MAP3K20: variants seen among roughly 807,000 people sequenced by gnomAD.
MAP3K20 encodes the protein mitogen-activated protein kinase kinase kinase 20.
A neutral mutation model predicts 85.7 loss-of-function variants in MAP3K20; 40 were observed. That is an observed-to-expected ratio of 0.47 (90% confidence interval 0.36 to 0.61). MAP3K20 has a LOEUF of 0.61. Among genes scored for constraint, MAP3K20 ranks in the 20% least tolerant of loss-of-function variants. The pLI is 0.00. For missense variants in MAP3K20, 817 were observed against 961.7 expected (o/e 0.85, Z 1.99); for synonymous variants, 325 against 327.7 (o/e 0.99, Z 0.09).
At chr2:173,212,554 T>G (rs1237327280) in intron 10 of MAP3K20, 1 of 152,114 alleles carries the variant, frequency 6.6e-6, no homozygotes, top group Non-Finnish European at 1.5e-5. Flanking sequence ...ATCCCAACAC[T>G]TTGGGAGGCC....
chr2:173,228,213 C>T (rs1275012404), intron 11 of MAP3K20, among the ~76,000 whole-genome samples: 4 of 152,204 alleles, frequency 2.6e-5, no homozygotes, highest in Admixed American at 1.3e-4. Context: ...ATATCCATTT[C>T]AGCTAGTGGG....
In MAP3K20 at chr2:173,267,191, C is replaced by T. The variant is rs1305076419; in HGVS notation, c.*441C>T. 6.5e-6 allele frequency: 1 copy of T among 152,988 alleles called. No homozygotes were observed. The highest frequency in any genetic ancestry group is 2.4e-5 in the African/African-American group (1 of 41,472). The allele number at this position is 152,988 out of a possible 1,614,324, so 9.5% of individuals were successfully genotyped here. On this transcript the variant is annotated 3_prime_UTR_variant, in exon 20 of 20. Coordinates refer to ENST00000375213, the MANE Select transcript of MAP3K20 (RefSeq NM_016653.3). ...GGCAAGGCACTGTTACTGATCTTGT[C>T]TTTAACATTTTGATATTTTGTTCAT...
chr2:173,162,167 A>T (rs2076857), intron 2 of MAP3K20, among the ~76,000 whole-genome samples: 46,558 of 151,962 alleles, frequency 0.31, 8,907 homozygotes, highest in Non-Finnish European at 0.43. Context: ...TTCTATACAC[A>T]TAATTTTTAT....
chr2:173,129,206 G>A (rs75986399), intron 2 of MAP3K20, among the ~76,000 whole-genome samples: 3,152 of 152,108 alleles, frequency 0.021, 56 homozygotes, highest in South Asian at 0.047. Flanking sequence ...GTGAGCCACC[G>A]CGCCCAGCCA....
chr2:173,146,819 C>G (rs901133046), intron 2 of MAP3K20, among the ~76,000 whole-genome samples: 8 of 152,148 alleles, frequency 5.3e-5, no homozygotes, highest in African/African-American at 1.9e-4. Flanking sequence ...TACACTCCTC[C>G]CAGAAGGGTA....
chr2:173,195,664 C>T (rs922785525), intron 7 of MAP3K20, among the ~76,000 whole-genome samples: 1 of 151,936 alleles, frequency 6.6e-6, no homozygotes, highest in African/African-American at 2.4e-5. Flanking sequence ...AAGCTGATGT[C>T]CTATCTTATA....
intron 2 of MAP3K20, among the ~76,000 whole-genome samples, chr2:173,118,059 G>A (rs1688174583): frequency 6.6e-6 from 1 of 152,182 alleles, no homozygotes; most frequent in Non-Finnish European, 1.5e-5. Flanking sequence ...TTCTGGACCT[G>A]AAAGCATACT....
At chr2:173,258,553 T>A (rs1441130087) in intron 16 of MAP3K20, 146 bp from the exon 17 acceptor site, 3 of 586,428 alleles carry the variant, frequency 5.1e-6, no homozygotes, top group Non-Finnish European at 6.0e-6. Flanking sequence ...GGAATCTAAT[T>A]TCATGTCCTT....
At chr2:173,110,005 T>C (rs945382224) in intron 2 of MAP3K20, among the ~76,000 whole-genome samples, 1 of 151,524 alleles carries the variant, frequency 6.6e-6, no homozygotes, top group Admixed American at 6.6e-5. Context: ...GGCAACCTAG[T>C]TGGGGGATGG....
At chr2:173,151,550 C>A (rs1316544853) in intron 2 of MAP3K20, among the ~76,000 whole-genome samples, 1 of 152,166 alleles carries the variant, frequency 6.6e-6, no homozygotes, top group African/African-American at 2.4e-5. Context: ...TATGTTAGAA[C>A]ATTTACTGTA....
chr2:173,262,426 G>A (rs921618220), intron 18 of MAP3K20, among the ~76,000 whole-genome samples: 5 of 151,964 alleles, frequency 3.3e-5, no homozygotes, highest in Non-Finnish European at 7.4e-5. Context: ...ATGGTAAAAC[G>A]TCATCTCTAC....
intron 19 of MAP3K20, 105 bp downstream of exon 19, chr2:173,264,000 G>C (rs1367729686): frequency 6.9e-7 from 1 of 1,442,570 alleles, no homozygotes; most frequent in African/African-American, 1.5e-5. Context: ...AATCAGTTAA[G>C]ATCTATCTTT....
chr2:173,081,488 A>G (rs144389813), intron 1 of MAP3K20, among the ~76,000 whole-genome samples: 50 of 152,336 alleles, frequency 3.3e-4, no homozygotes, highest in African/African-American at 1.2e-3. Flanking sequence ...CTGCAGCCCA[A>G]TACTGCATGG....
At chr2:173,214,419 G>C (rs1387676783) in intron 10 of MAP3K20, 1 of 152,186 alleles carries the variant, frequency 6.6e-6, no homozygotes, top group Non-Finnish European at 1.5e-5. Flanking sequence ...TGAGCGTTCC[G>C]ATCTGTGTCT....
intron 2 of MAP3K20, among the ~76,000 whole-genome samples, chr2:173,155,914 C>T (rs1689454834): frequency 6.6e-6 from 1 of 152,144 alleles, no homozygotes; most frequent in South Asian, 2.1e-4. Flanking sequence ...TTAGATGTGC[C>T]ACTATACCCA....
chr2:173,258,644 TAAA>T, intron 16 of MAP3K20, 52 bp from the exon 17 acceptor site: 1 of 903,560 alleles, frequency 1.1e-6, no homozygotes, highest in Non-Finnish European at 1.7e-6. Flanking sequence ...ATATTGAGAC[TAAA>T]AAAAAAATTG....
intron 11 of MAP3K20, chr2:173,225,908 TAAAAAAAAA>T (rs67401411): frequency 3.9e-6 from 3 of 767,178 alleles, no homozygotes. Flanking sequence ...ATTCCACAAT[TAAAAAAAAA>T]AAAGAAAAAA....
chr2:173,175,561 C>A (rs1030610757), intron 3 of MAP3K20, among the ~76,000 whole-genome samples: 1 of 152,114 alleles, frequency 6.6e-6, no homozygotes, highest in Admixed American at 6.5e-5. Context: ...ACCTTTTATT[C>A]TTTAAACCTT....
intron 16 of MAP3K20, among the ~76,000 whole-genome samples, chr2:173,253,936 TGA>T (rs1336943734): frequency 6.6e-6 from 1 of 151,980 alleles, no homozygotes; most frequent in Non-Finnish European, 1.5e-5. Flanking sequence ...CCGGGCATGG[TGA>T]CACACGCCTG....
Sources: allele counts gnomAD v4.1 joint callset (sites outside exome capture counted in the v4.1 genomes callset), GRCh38; gene constraint gnomAD v4.1.1; transcripts MANE v1.5; gene names NCBI Gene and HGNC (gene_info 2026-07-23, HGNC 2026-07-21).